Variants in ZMYM4 observed in about 807,000 individuals in gnomAD.
The protein encoded by ZMYM4 is zinc finger MYM-type containing 4, also known as zinc finger MYM-type protein 4.
In ZMYM4, 31 loss-of-function variants were observed where a neutral mutation model predicts 183.2. The observed-to-expected ratio is 0.17, with a 90% confidence interval of 0.13 to 0.23. The LOEUF is 0.23. Among genes scored for constraint, ZMYM4 ranks in the 10% least tolerant of loss-of-function variants. The pLI is 1.00. For synonymous variants in ZMYM4, 592 were observed against 631.2 expected (o/e 0.94, Z 0.93); for missense variants, 1,273 against 1,840.3 (o/e 0.69, Z 5.64).
chr1:35,327,537 AT>A (rs1398642680), intron 2 of ZMYM4, among the ~76,000 whole-genome samples: 1 of 152,160 alleles, frequency 6.6e-6, no homozygotes, highest in Non-Finnish European at 1.5e-5. Flanking sequence ...GAATGATAAT[AT>A]TTTTAGACTA....
intron 2 of ZMYM4, among the ~76,000 whole-genome samples, chr1:35,345,518 G>A (rs1033358440): frequency 4.0e-5 from 6 of 151,604 alleles, no homozygotes; most frequent in Non-Finnish European, 8.8e-5. Context: ...GCAGTGGTGC[G>A]ATCTCGACTC....
At chr1:35,344,114 C>T (rs151037416) in intron 2 of ZMYM4, among the ~76,000 whole-genome samples, 2,664 of 150,350 alleles carry the variant, frequency 0.018, 74 homozygotes, top group African/African-American at 0.06. Flanking sequence ...AGTGCAGTGG[C>T]GCTATCTGGG....
chr1:35,361,540 G>A (rs1643936341), intron 4 of ZMYM4, 79 bp from the exon 5 acceptor site: 1 of 1,469,530 alleles, frequency 6.8e-7, no homozygotes, highest in African/African-American at 1.4e-5. Flanking sequence ...TTTCCAATGA[G>A]CTTTTCTTTG....
chr1:35,352,267 GCGCACACACA>G (rs1423759961), intron 2 of ZMYM4, among the ~76,000 whole-genome samples: 2,125 of 78,270 alleles, frequency 0.027, 92 homozygotes, highest in African/African-American at 0.085. Flanking sequence ...GCACGCGCGC[GCGCACACACA>G]CACACACACA....
chr1:35,399,092 C>G (rs745856417), intron 22 of ZMYM4, 49 bp downstream of exon 22: 2 of 1,568,006 alleles, frequency 1.3e-6, no homozygotes, highest in Admixed American at 1.7e-5. Context: ...TTTAAAAGAT[C>G]GGTACAACTC....
intron 2 of ZMYM4, among the ~76,000 whole-genome samples, chr1:35,338,024 G>T (rs1004232375): frequency 6.6e-6 from 1 of 152,158 alleles, no homozygotes; most frequent in Non-Finnish European, 1.5e-5. Flanking sequence ...TCTGAAATTT[G>T]AATTTAATGT....
chr1:35,415,634 G>T lies in ZMYM4; in HGVS notation c.4229G>T (p.Arg1410Leu). Residue 1410 changes from arginine to leucine, a missense_variant, in exon 28 of 30, where the codon CGG becomes CTG. Around this residue, in one of 6 missense-constraint regions of ZMYM4, gnomAD observed 145 missense variants for 331.6 expected, o/e 0.44. Transcript: ENST00000314607. ...LKLSFAHVMR[R>L]TRTLKYSTKM... is the part of the protein sequence containing the mutation. The stretch of plus-strand genomic sequence containing the variant: ...CTTTCCTTTGCCCATGTGATGAGAC[G>T]GACCAGGACTCTGAAGTACAGTACC... 6.2e-7 allele frequency: 1 copy of T among 1,614,070 alleles called. No individual in the cohort carries two copies. The highest frequency in any genetic ancestry group is 8.5e-7 in the Non-Finnish European group (1 of 1,180,020).
intron 28 of ZMYM4, among the ~76,000 whole-genome samples, chr1:35,417,869 G>A (rs1351633653): frequency 3.3e-5 from 5 of 152,090 alleles, no homozygotes; most frequent in African/African-American, 1.2e-4. Flanking sequence ...AAAATTAGCT[G>A]GGCATGGTGG....
chr1:35,302,200 C>CTTTTTTTTTTTTTTTTT lies in ZMYM4; in HGVS notation c.40-23151_40-23135dup, dbSNP rs576277396. On this transcript the variant is annotated intron_variant, in intron 1 of 29. Transcript: ENST00000314607. ...ATCCACAAGCTAAAAACGGCTCTTGCTTTTTTTTTTTTTTTTTTTTTTTTT... is the reference window on the plus strand; with the variant it reads ...ATCCACAAGCTAAAAACGGCTCTTGCTTTTTTTTTTTTTTTTTTTTTTTTTTTTTTTTTTTTTTTTTT... Among the ~76,000 whole-genome samples, 25 of 58,550 alleles carry CTTTTTTTTTTTTTTTTT rather than the reference C, an allele frequency of 4.3e-4. 1 individual carries two copies. Among genetic ancestry groups the CTTTTTTTTTTTTTTTTT allele is most frequent in the African/African-American group, 1.5e-3 (24 of 15,524 alleles). 38.4% of individuals were successfully genotyped at this position (58,550 alleles called of 152,430 possible).
At chr1:35,325,257 G>C in intron 1 of ZMYM4, 103 bp from the exon 2 acceptor site, 1 of 1,049,318 alleles carries the variant, frequency 9.5e-7, no homozygotes, top group Middle Eastern at 2.1e-4. Context: ...CTTGTCATTT[G>C]GGTTGAAAAT....
At chr1:35,321,591 G>C (rs1642284237) in intron 1 of ZMYM4, among the ~76,000 whole-genome samples, 2 of 124,968 alleles carry the variant, frequency 1.6e-5, no homozygotes, top group Admixed American at 1.0e-4. Context: ...TTTCAGAGCT[G>C]TGTGTGTGTG....
At chr1:35,271,751 A>G (rs993418556) in intron 1 of ZMYM4, among the ~76,000 whole-genome samples, 1 of 152,210 alleles carries the variant, frequency 6.6e-6, no homozygotes, top group Non-Finnish European at 1.5e-5. Flanking sequence ...CAGGACTTGT[A>G]TAGGTTTCCC....
intron 26 of ZMYM4, among the ~76,000 whole-genome samples, chr1:35,409,387 C>T (rs1279979237): frequency 6.6e-6 from 1 of 151,976 alleles, no homozygotes; most frequent in Non-Finnish European, 1.5e-5. Flanking sequence ...TTTACATTTC[C>T]AACAGCAGTG....
intron 2 of ZMYM4, among the ~76,000 whole-genome samples, chr1:35,344,529 G>A (rs577506052): frequency 3.4e-4 from 51 of 151,412 alleles, no homozygotes; most frequent in Admixed American, 3.4e-3. Context: ...TCTCTTTTTA[G>A]TTTACTGAAA....
At chr1:35,399,405 T>C (rs1644863372) in intron 22 of ZMYM4, 77 bp from the exon 23 acceptor site, 10 of 1,307,410 alleles carry the variant, frequency 7.6e-6, no homozygotes, top group South Asian at 1.3e-5. Flanking sequence ...TTACCTGATA[T>C]TTCTTTACTA....
intron 26 of ZMYM4, among the ~76,000 whole-genome samples, chr1:35,408,978 C>T (rs1248980377): frequency 6.6e-6 from 1 of 152,204 alleles, no homozygotes; most frequent in East Asian, 1.9e-4. Flanking sequence ...AATCTGCTTT[C>T]TGTCTCTCTG....
chr1:35,270,023 C>A (rs764291260), intron 1 of ZMYM4, among the ~76,000 whole-genome samples: 1 of 152,070 alleles, frequency 6.6e-6, no homozygotes, highest in African/African-American at 2.4e-5. Context: ...TGAAGAATGC[C>A]CTTTCAGCTT....
chr1:35,383,720 T>A (rs1644514397), intron 9 of ZMYM4, among the ~76,000 whole-genome samples: 1 of 152,196 alleles, frequency 6.6e-6, no homozygotes. Flanking sequence ...AATTTTAAAT[T>A]TATTCTTTAC....
intron 1 of ZMYM4, among the ~76,000 whole-genome samples, chr1:35,276,494 ATTCT>A (rs940485687): frequency 9.3e-5 from 14 of 150,352 alleles, no homozygotes; most frequent in African/African-American, 3.4e-4. Context: ...GACTTCTCTT[ATTCT>A]TTAAGTGTCT....
Sources: gnomAD v4.1 joint callset for allele counts (sites outside exome capture counted in the v4.1 genomes callset) on GRCh38, gnomAD v4.1.1 for gene constraint, gnomAD v4.1.1 regional missense constraint, MANE v1.5 for transcripts, NCBI Gene and HGNC (gene_info 2026-07-23, HGNC 2026-07-21) for gene names.